The following SORBS2 variants were observed in gnomAD, a reference collection of about 807,000 sequenced individuals.
SORBS2 encodes sorbin and SH3 domain-containing protein 2.
Under a neutral mutation model 97.7 loss-of-function variants are expected in SORBS2, and 46 were observed. The observed-to-expected ratio is 0.47, with a 90% CI of 0.37 to 0.60. The LOEUF is 0.60. Among genes scored for constraint, SORBS2 ranks in the 20% least tolerant of loss-of-function variants. The pLI is 0.00. For synonymous variants in SORBS2, 476 were observed against 473.4 expected (o/e 1.01, Z -0.07); for missense variants, 1,316 against 1,282.3 (o/e 1.03, Z -0.40).
intron 1 of SORBS2, among the ~76,000 whole-genome samples, chr4:185,885,546 T>C (rs751382467): frequency 1.3e-5 from 2 of 152,216 alleles, no homozygotes; most frequent in African/African-American, 2.4e-5. Context: ...AAGCGTAACA[T>C]TTCACAGTTT....
At chr4:185,587,491 T>A (rs999937149) in exon 15 of SORBS2, 4 of 705,576 alleles carry the variant, frequency 5.7e-6, no homozygotes, top group Non-Finnish European at 7.5e-6. Flanking sequence ...CTGCTGGTGG[T>A]TTGGTGGCAG....
chr4:185,905,477 G>A (rs910949823), intron 1 of SORBS2, among the ~76,000 whole-genome samples: 39 of 152,058 alleles, frequency 2.6e-4, no homozygotes, highest in African/African-American at 8.9e-4. Flanking sequence ...TGCAAATGCT[G>A]GAATTTAGAG....
chr4:185,736,913 T>C (rs1287961795), intron 2 of SORBS2, among the ~76,000 whole-genome samples: 1 of 152,180 alleles, frequency 6.6e-6, no homozygotes, highest in Non-Finnish European at 1.5e-5. Flanking sequence ...AACAATACCA[T>C]ACCTACTGGC....
At chr4:185,859,636 T>C (rs1458229778) in intron 1 of SORBS2, among the ~76,000 whole-genome samples, 1 of 152,228 alleles carries the variant, frequency 6.6e-6, no homozygotes, top group Non-Finnish European at 1.5e-5. Context: ...CTATGATACA[T>C]ATTGTTTTTG....
chr4:185,777,578 A>G (rs1317801655), intron 1 of SORBS2, among the ~76,000 whole-genome samples: 6 of 152,346 alleles, frequency 3.9e-5, no homozygotes, highest in African/African-American at 1.4e-4. Context: ...TAGGGCTCAT[A>G]GGAATAATGC....
chr4:185,618,478 G>T, intron 9 of SORBS2, 107 bp downstream of exon 21: 2 of 535,986 alleles, frequency 3.7e-6, no homozygotes, highest in Non-Finnish European at 6.6e-6. Flanking sequence ...GCTGCATTGG[G>T]AATTAGACCT....
chr4:185,755,136 G>A (rs188777850), intron 2 of SORBS2, among the ~76,000 whole-genome samples: 7 of 152,334 alleles, frequency 4.6e-5, no homozygotes, highest in Admixed American at 4.6e-4. Context: ...CCAATATTAG[G>A]CTACGTCAAG....
Position 185,607,167 on chromosome 4 carries a change from A to G in SORBS2, c.2796+4613T>C, listed in dbSNP as rs2096444418. 3 of 1,119,180 alleles carry G rather than the reference A, an allele frequency of 2.7e-6. No individual in the cohort carries two copies. Among genetic ancestry groups the G allele is most frequent in the African/African-American group, 1.7e-5 (1 of 58,994 alleles). 69.3% of individuals were successfully genotyped at this position (1,119,180 alleles called of 1,614,324 possible). A position where few individuals can be genotyped will look rare whatever the true frequency, so the allele number is the denominator to read the frequency against. Reference sequence around the variant, plus strand: ...GGTCAGCTGACAAGGTTAAAGCACCAAGCTTCTCCAATTCACCCAAGAAGT... The same window carrying G: ...GGTCAGCTGACAAGGTTAAAGCACCGAGCTTCTCCAATTCACCCAAGAAGT... On this transcript the variant is annotated intron_variant, in intron 12 of 14. Transcript: ENST00000418609. This position sits in a 1 kb window ranked among gnomAD's most constrained non-coding sequence, Gnocchi z 5.2.
At chr4:185,733,175 G>C (rs559457450) in intron 2 of SORBS2, among the ~76,000 whole-genome samples, 1 of 152,384 alleles carries the variant, frequency 6.6e-6, no homozygotes, top group Admixed American at 6.5e-5. Flanking sequence ...GGCTCAAACA[G>C]AGCCTCTAGG....
chr4:185,730,887 C>A (rs562406368), intron 2 of SORBS2, among the ~76,000 whole-genome samples: 1 of 152,342 alleles, frequency 6.6e-6, no homozygotes, highest in African/African-American at 2.4e-5. Context: ...CCTGACGTAG[C>A]TGCAGATCAG....
At position 185,623,161 on chromosome 4, in the gene SORBS2, C is replaced by T. The variant is rs779111898; in HGVS notation, c.1968G>A (p.Pro656=). ...TGAGGCGGTGCAGGATGCTGTTGTC[C>T]GGCAAGCTCCCCCTTTTCTTTTCAG... Residue 656 remains proline, a synonymous_variant, in exon 7 of 15, where the codon CCG becomes CCA. Transcript: ENST00000418609. The surrounding 1 kb of genome is among the most constrained non-coding windows in gnomAD (Gnocchi z 6.4). 4 of 1,614,066 alleles carry T rather than the reference C, an allele frequency of 2.5e-6. No homozygotes were observed. The highest frequency in any genetic ancestry group is 2.2e-5 in the East Asian group (1 of 44,882).
At chr4:185,754,692 AGT>A (rs1162230265) in intron 2 of SORBS2, among the ~76,000 whole-genome samples, 2 of 152,084 alleles carry the variant, frequency 1.3e-5, no homozygotes, top group African/African-American at 2.4e-5. Flanking sequence ...AGCTCAGTGG[AGT>A]GTGGGGTGGG....
chr4:185,811,599 T>G (rs888887590), intron 1 of SORBS2, 65 bp downstream of exon 1: 2 of 152,198 alleles, frequency 1.3e-5, no homozygotes, highest in African/African-American at 4.8e-5. Context: ...AACGTAAATC[T>G]TTCAGGCTAA....
chr4:185,615,486 G>A (rs189367018), intron 9 of SORBS2, among the ~76,000 whole-genome samples: 1 of 151,560 alleles, frequency 6.6e-6, no homozygotes, highest in East Asian at 1.9e-4. Context: ...TTGAAGCTTG[G>A]AAAAATGATG....
chr4:185,878,385 T>C (rs565499695), intron 1 of SORBS2, among the ~76,000 whole-genome samples: 11 of 152,168 alleles, frequency 7.2e-5, no homozygotes, highest in African/African-American at 2.2e-4. Context: ...AAGTGTGTGA[T>C]TCAAGCCCAC....
At chr4:185,745,321 C>T (rs1469524940) in intron 2 of SORBS2, among the ~76,000 whole-genome samples, 1 of 152,166 alleles carries the variant, frequency 6.6e-6, no homozygotes, top group East Asian at 1.9e-4. Context: ...AACTAGACCT[C>T]CCAGATTCTC....
At chr4:185,807,830 C>G (rs1387794080) in intron 1 of SORBS2, among the ~76,000 whole-genome samples, 1 of 152,184 alleles carries the variant, frequency 6.6e-6, no homozygotes, top group Non-Finnish European at 1.5e-5. Flanking sequence ...GTTTGAGGAA[C>G]TTCCAGAAAA....
intron 2 of SORBS2, chr4:185,772,742 G>C (rs1055384059): frequency 6.6e-6 from 1 of 152,168 alleles, no homozygotes; most frequent in Non-Finnish European, 1.5e-5. Flanking sequence ...GGGAAAACGT[G>C]TGCCCTCATG....
rs1174155096 is a variant in SORBS2, at chr4:185,592,421, T to C, written c.2846+1465A>G. On this transcript the variant is annotated intron_variant, in intron 13 of 14. Transcript: ENST00000418609. ...AAAGCTGTTTAATATAACATGTTGG[T>C]AATGCAATAAACCTAAACAGCCCTG... 5.3e-5 allele frequency among the ~76,000 whole-genome samples: 8 copies of C among 152,364 alleles called. No individual in the cohort carries two copies. In the East Asian group the frequency reaches 1.5e-3, roughly 29 times the overall value.
Sources: allele counts gnomAD v4.1 joint callset (sites outside exome capture counted in the v4.1 genomes callset), GRCh38; gene constraint gnomAD v4.1.1; non-coding constraint Gnocchi (gnomAD v3.1); transcripts MANE v1.5; gene names NCBI Gene and HGNC (gene_info 2026-07-23, HGNC 2026-07-21).